NFIX: variants seen among roughly 807,000 people sequenced by gnomAD.
NFIX encodes nuclear factor I X.
In NFIX, 2 loss-of-function variants were observed where a neutral mutation model predicts 53.3. That is an observed-to-expected ratio of 0.04 (90% CI 0.02 to 0.12). The LOEUF is 0.12. Among genes scored for constraint, NFIX ranks in the 10% least tolerant of loss-of-function variants. The probability of loss-of-function intolerance (pLI) is 1.00; values close to 1 mark genes in which losing one functional copy is unlikely to be tolerated. For missense variants in NFIX, 310 were observed against 674.5 expected (o/e 0.46, Z 5.99); for synonymous variants, 244 against 289.0 (o/e 0.84, Z 1.58).
intron 5 of NFIX, 24 bp from the exon 6 acceptor site, chr19:13,075,511 T>C: frequency 1.2e-6 from 2 of 1,612,598 alleles, no homozygotes; most frequent in East Asian, 2.2e-5. Context: ...CCTTGGCCCA[T>C]GTGACCCTTT....
chr19:13,024,764 G>C (rs1472414819), intron 1 of NFIX: 1 of 1,514,784 alleles, frequency 6.6e-7, no homozygotes, highest in Admixed American at 2.0e-5. Flanking sequence ...GTGTGTAGAG[G>C]CTCCCGGTGC....
intron 7 of NFIX, among the ~76,000 whole-genome samples, chr19:13,079,505 G>C (rs1411403672): frequency 6.6e-6 from 1 of 152,252 alleles, no homozygotes; most frequent in African/African-American, 2.4e-5. Context: ...GGCAGCAAGA[G>C]GCCTGGACTT....
At chr19:13,056,268 T>C (rs573603546) in intron 2 of NFIX, among the ~76,000 whole-genome samples, 28 of 152,242 alleles carry the variant, frequency 1.8e-4, no homozygotes, top group African/African-American at 6.7e-4. Context: ...GAAGAGTCTC[T>C]TCTGCCTCAC....
In NFIX at chr19:13,022,687, G is replaced by A. The variant is rs1055363052; in HGVS notation, c.28-2334G>A. Among the ~76,000 whole-genome samples the A allele has an allele frequency of 6.6e-5, 10 of 152,124 alleles. No individual in the cohort carries two copies. The highest frequency in any genetic ancestry group is 1.2e-4 in the Non-Finnish European group (8 of 68,010). ...AACCAAAACACAGAGAGAAGGCGCA[G>A]CTGCTTCCCCAAGGCCTTCTGGGGC... On this transcript the variant is annotated intron_variant, in intron 1 of 10. Coordinates refer to ENST00000592199, the MANE Select transcript of NFIX (RefSeq NM_001365902.3). This position sits in a 1 kb window ranked among gnomAD's most constrained non-coding sequence, Gnocchi z 4.5.
At position 13,090,030 on chromosome 19, in the gene NFIX, A is replaced by T. The variant is rs1004785863; in HGVS notation, c.1403-269A>T. Among the ~76,000 whole-genome samples the T allele has an allele frequency of 2.6e-5, 4 of 152,002 alleles. No homozygotes were observed. The highest frequency in any genetic ancestry group is 4.4e-5 in the Non-Finnish European group (3 of 67,946). ...CTGTGAAAAAGGATGCCTGGCTGAG[A>T]CTGTGGCTTCTGAGTGGGTGTGTGT... On this transcript the variant is annotated intron_variant, in intron 9 of 10. Coordinates refer to ENST00000592199, the MANE Select transcript of NFIX (RefSeq NM_001365902.3). The surrounding 1 kb of genome is among the most constrained non-coding windows in gnomAD (Gnocchi z 6.6).
rs1037589665 is a variant in NFIX at position 13,028,640 on chromosome 19, G to T, written c.559+3088G>T. Among the ~76,000 whole-genome samples the T allele has an allele frequency of 6.6e-6, 1 of 152,222 alleles. No individual in the cohort carries two copies. The highest frequency in any genetic ancestry group is 2.4e-5 in the African/African-American group (1 of 41,452). On this transcript the variant is annotated intron_variant, in intron 2 of 10. Coordinates refer to ENST00000592199, the MANE Select transcript of NFIX (RefSeq NM_001365902.3). The surrounding 1 kb of genome is among the most constrained non-coding windows in gnomAD (Gnocchi z 4.2). ...TCCTGCTGGGAAGGAGTCTGTCTGTGTGTCTGTCTGTGTTTAGGAAGGGAG... is the reference window on the plus strand; with the variant it reads ...TCCTGCTGGGAAGGAGTCTGTCTGTTTGTCTGTCTGTGTTTAGGAAGGGAG...
intron 2 of NFIX, among the ~76,000 whole-genome samples, chr19:13,046,468 C>A (rs2145294822): frequency 6.6e-6 from 1 of 152,082 alleles, no homozygotes; most frequent in East Asian, 1.9e-4. Context: ...GTTGCCTTCC[C>A]CCCCCCTCTT....
At chr19:13,000,868 C>T (rs1445693543) in intron 1 of NFIX, among the ~76,000 whole-genome samples, 5 of 152,158 alleles carry the variant, frequency 3.3e-5, no homozygotes, top group Non-Finnish European at 7.4e-5. Context: ...GGTGTTTGGC[C>T]GTGGCGCCGT....
rs1045665720 is a variant in NFIX at position 13,027,176 on chromosome 19, AC to A, written c.559+1630del. 6.6e-6 allele frequency among the ~76,000 whole-genome samples: 1 copy of A among 151,740 alleles called. No individual in the cohort carries two copies. The highest frequency in any genetic ancestry group is 1.5e-5 in the Non-Finnish European group (1 of 67,952). ...GTTAGAAGCAGGGGACACCACTCTC[AC>A]CCCCCAAGTCTCTACCTACTTCTGT... On this transcript the variant is annotated intron_variant, in intron 2 of 10. Coordinates refer to ENST00000592199, the MANE Select transcript of NFIX (RefSeq NM_001365902.3). The surrounding 1 kb of genome is among the most constrained non-coding windows in gnomAD (Gnocchi z 4.3).
At chr19:13,050,156 C>A (rs1395866595) in intron 2 of NFIX, among the ~76,000 whole-genome samples, 1 of 152,198 alleles carries the variant, frequency 6.6e-6, no homozygotes, top group African/African-American at 2.4e-5. Flanking sequence ...TAGTGGGCAC[C>A]CAGGGTCTCT....
At chr19:13,065,765 T>C (rs1332757467) in intron 2 of NFIX, among the ~76,000 whole-genome samples, 1 of 152,054 alleles carries the variant, frequency 6.6e-6, no homozygotes, top group East Asian at 1.9e-4. Flanking sequence ...CCTGGGCCCA[T>C]CTAAAGGAGT....
Position 13,049,964 on chromosome 19 carries a change from A to C in NFIX, c.560-23083A>C, listed in dbSNP as rs917286184. 6.6e-6 allele frequency among the ~76,000 whole-genome samples: 1 copy of C among 152,310 alleles called. No homozygotes were observed. Among genetic ancestry groups the C allele is most frequent in the Middle Eastern group, 3.4e-3 (1 of 294 alleles). On this transcript the variant is annotated intron_variant, in intron 2 of 10. Transcript: ENST00000592199. The surrounding 1 kb of genome is among the most constrained non-coding windows in gnomAD (Gnocchi z 4.5). ...ATTTTGTTTATCCATTCATACATTG[A>C]TGGATATTTGGGCTCTTTCCACTTT...
In NFIX at chr19:13,073,018, T is replaced by G; in HGVS notation, c.560-29T>G. On this transcript the variant is annotated intron_variant, in intron 2 of 10. Transcript: ENST00000592199. This position sits in a 1 kb window ranked among gnomAD's most constrained non-coding sequence, Gnocchi z 4.5. ...TGCTTATGGGGAACTTTGCTCCTGA[T>G]ACATTCTCCCCTTTTGTGTCTCCTG... 6.2e-7 allele frequency: 1 copy of G among 1,611,402 alleles called. No individual in the cohort carries two copies. Among genetic ancestry groups the G allele is most frequent in the Non-Finnish European group, 8.5e-7 (1 of 1,177,582 alleles).
rs2012363511 is a variant in NFIX at position 13,011,801 on chromosome 19, C to G, written c.28-13220C>G. On this transcript the variant is annotated intron_variant, in intron 1 of 10. Transcript: ENST00000592199. The surrounding 1 kb of genome is among the most constrained non-coding windows in gnomAD (Gnocchi z 6.5). Reference sequence around the variant, plus strand: ...TCGACAGGTGCCCGTCGCCCACAGGCTCCTTTCATTGTAGCCTCCCTGGAG... The same window carrying G: ...TCGACAGGTGCCCGTCGCCCACAGGGTCCTTTCATTGTAGCCTCCCTGGAG... Among the ~76,000 whole-genome samples, 1 of 152,172 alleles carries G rather than the reference C, an allele frequency of 6.6e-6. No individual in the cohort carries two copies. The highest frequency in any genetic ancestry group is 2.4e-5 in the African/African-American group (1 of 41,428).
At chr19:13,082,561 C>T (rs1461500389) in intron 8 of NFIX, 8 of 152,256 alleles carry the variant, frequency 5.3e-5, no homozygotes, top group Non-Finnish European at 1.2e-4. Flanking sequence ...CCCTGCTGCT[C>T]CTCAGCCCTG....
At position 12,996,258 on chromosome 19, in the gene NFIX, C is replaced by T. The variant is rs2011464076; in HGVS notation, c.27+394C>T. Among the ~76,000 whole-genome samples, 1 of 151,916 alleles carries T rather than the reference C, an allele frequency of 6.6e-6. No individual in the cohort carries two copies. Among genetic ancestry groups the T allele is most frequent in the East Asian group, 1.9e-4 (1 of 5,164 alleles). ...CGCACCCGGGCAGCGTGGTCGCTGG[C>T]AGTGTTTGCGGGGTTGACAGAGTGG... is the stretch of plus-strand genomic sequence containing the variant. On this transcript the variant is annotated intron_variant, in intron 1 of 10. Coordinates refer to ENST00000592199, the MANE Select transcript of NFIX (RefSeq NM_001365902.3). This position sits in a 1 kb window ranked among gnomAD's most constrained non-coding sequence, Gnocchi z 5.2.
At chr19:13,024,501 G>T in intron 1 of NFIX, 1 of 1,505,084 alleles carries the variant, frequency 6.6e-7, no homozygotes, top group Admixed American at 2.1e-5. Flanking sequence ...GTCTTCTTGG[G>T]GGCGGCCAAA....
chr19:13,030,986 A>G (rs894233113), intron 2 of NFIX, among the ~76,000 whole-genome samples: 5 of 152,224 alleles, frequency 3.3e-5, no homozygotes, highest in Non-Finnish European at 7.3e-5. Context: ...TGTTAATACA[A>G]CTTGGGGTGC....
At chr19:13,010,083 C>G (rs1599714317) in intron 1 of NFIX, among the ~76,000 whole-genome samples, 1 of 152,220 alleles carries the variant, frequency 6.6e-6, no homozygotes, top group African/African-American at 2.4e-5. Flanking sequence ...ACCCGCTTTT[C>G]CCTTGCTTTC....
Sources: allele counts gnomAD v4.1 joint callset (sites outside exome capture counted in the v4.1 genomes callset), GRCh38; gene constraint gnomAD v4.1.1; non-coding constraint Gnocchi (gnomAD v3.1); transcripts MANE v1.5; gene names NCBI Gene and HGNC (gene_info 2026-07-23, HGNC 2026-07-21).